The following KIFAP3 variants were observed in gnomAD, a reference collection of about 807,000 sequenced individuals.
The protein encoded by KIFAP3 is kinesin-associated protein 3.
KIFAP3 carries 68 observed loss-of-function variants against 106.5 expected under a neutral mutation model. The observed-to-expected ratio is 0.64, with a 90% CI of 0.53 to 0.78. The LOEUF (loss-of-function observed/expected upper bound fraction) is 0.78, where lower values mean the gene tolerates loss of function less well. Ranked by LOEUF, KIFAP3 falls within the 30% of genes least tolerant of loss-of-function variation. KIFAP3 has a pLI of 0.00. For missense variants in KIFAP3, 780 were observed against 941.8 expected (o/e 0.83, Z 2.25); for synonymous variants, 320 against 311.5 (o/e 1.03, Z -0.29).
At chr1:170,012,643 T>C (rs545127002) in intron 10 of KIFAP3, among the ~76,000 whole-genome samples, 1 of 152,220 alleles carries the variant, frequency 6.6e-6, no homozygotes, top group African/African-American at 2.4e-5. Flanking sequence ...TGGGGCTGGG[T>C]CCTTTGAGAG....
At chr1:169,942,174 C>G (rs1225036130) in intron 19 of KIFAP3, among the ~76,000 whole-genome samples, 1 of 151,862 alleles carries the variant, frequency 6.6e-6, no homozygotes, top group Non-Finnish European at 1.5e-5. Flanking sequence ...AATGTTATGA[C>G]TCATTAAATA....
In KIFAP3 at chr1:170,011,766, C is replaced by T. The variant is rs528399132; in HGVS notation, c.1183+4696G>A. On this transcript the variant is annotated intron_variant, in intron 10 of 19. Coordinates refer to ENST00000361580, the MANE Select transcript of KIFAP3 (RefSeq NM_014970.4). Reference sequence around the variant, plus strand: ...TTCCTTACTATATCTTTTGTATAAGCATTGTAGCCAAAGACCACATATGTT... The same window carrying T: ...TTCCTTACTATATCTTTTGTATAAGTATTGTAGCCAAAGACCACATATGTT... Among the ~76,000 whole-genome samples, 7 of 152,122 alleles carry T rather than the reference C, an allele frequency of 4.6e-5. No homozygotes were observed. In the East Asian group the frequency reaches 1.2e-3, roughly 25 times the overall value.
At chr1:169,950,028 T>C (rs965650626) in intron 19 of KIFAP3, among the ~76,000 whole-genome samples, 1 of 152,160 alleles carries the variant, frequency 6.6e-6, no homozygotes, top group Non-Finnish European at 1.5e-5. Flanking sequence ...ACCCCCTGAC[T>C]TGGATTTTAA....
chr1:170,043,974 T>C (rs1670112274), intron 3 of KIFAP3, among the ~76,000 whole-genome samples: 1 of 152,124 alleles, frequency 6.6e-6, no homozygotes, highest in Non-Finnish European at 1.5e-5. Flanking sequence ...AAAAACTGCC[T>C]GGGGATGATG....
At position 169,997,365 on chromosome 1, in the gene KIFAP3, T is replaced by C. The variant is rs549169765; in HGVS notation, c.1184-5110A>G. Among the ~76,000 whole-genome samples the C allele has an allele frequency of 2.0e-4, 30 of 152,286 alleles. No homozygotes were observed. In the South Asian group the frequency reaches 6.2e-3, roughly 32 times the overall value. On this transcript the variant is annotated intron_variant, in intron 10 of 19. Transcript: ENST00000361580. The stretch of plus-strand genomic sequence containing the variant: ...TTATTATTATGTTGACAATAACATT[T>C]TTTCTGTTTTACTAATACAACAGTA...
intron 19 of KIFAP3, among the ~76,000 whole-genome samples, chr1:169,932,717 GT>G (rs5778637): frequency 0.92 from 130,816 of 141,900 alleles, 60,222 homozygotes; most frequent in East Asian, 0.98. Flanking sequence ...TTAATGTTAA[GT>G]TTTTTTTTTT....
Position 169,925,010 on chromosome 1 carries a change from T to G in KIFAP3, c.2274-3229A>C, listed in dbSNP as rs78609116. On this transcript the variant is annotated intron_variant, in intron 19 of 19. Transcript: ENST00000361580. ...ATCTGCTCTTGCCTTGTGTGGCCAT[T>G]TTGCTTCAGATAATAGTTTGAATAT... Among the ~76,000 whole-genome samples, 71 of 152,306 alleles carry G rather than the reference T, an allele frequency of 4.7e-4. 2 individuals carry two copies. The East Asian group carries it at 0.012, about 25-fold the overall frequency.
At chr1:169,970,427 T>C (rs1665860349) in intron 17 of KIFAP3, among the ~76,000 whole-genome samples, 1 of 152,066 alleles carries the variant, frequency 6.6e-6, no homozygotes, top group African/African-American at 2.4e-5. Context: ...AGTATAATAT[T>C]TGCATAATTT....
At chr1:170,017,943 T>C (rs1668608475) in intron 9 of KIFAP3, among the ~76,000 whole-genome samples, 1 of 152,218 alleles carries the variant, frequency 6.6e-6, no homozygotes, top group Non-Finnish European at 1.5e-5. Flanking sequence ...TTAAAAATCA[T>C]ATACAACTCA....
chr1:169,940,765 A>C (rs1253238765), intron 19 of KIFAP3, among the ~76,000 whole-genome samples: 1 of 152,134 alleles, frequency 6.6e-6, no homozygotes, highest in Non-Finnish European at 1.5e-5. Flanking sequence ...ATACCATTTA[A>C]AATAATACAA....
In KIFAP3 at chr1:169,984,334, T is replaced by C. The variant is rs544395193; in HGVS notation, c.1393+248A>G. ...AAAAAGTTTCATTTTATCTAGAAAA[T>C]GTTTTAAAAATCAAATTTCAATTAA... On this transcript the variant is annotated intron_variant, in intron 12 of 19. Transcript: ENST00000361580. 7.6e-4 allele frequency among the ~76,000 whole-genome samples: 116 copies of C among 151,910 alleles called. 3 individuals carry two copies. The South Asian group carries it at 0.023, about 31-fold the overall frequency.
intron 19 of KIFAP3, among the ~76,000 whole-genome samples, chr1:169,928,607 G>T (rs1310511111): frequency 2.2e-5 from 3 of 139,118 alleles, no homozygotes; most frequent in Non-Finnish European, 4.6e-5. Context: ...TGAAGCAGGA[G>T]GATCACTTGA....
At chr1:170,033,776 G>T (rs1669539082) in intron 7 of KIFAP3, among the ~76,000 whole-genome samples, 1 of 151,762 alleles carries the variant, frequency 6.6e-6, no homozygotes, top group South Asian at 2.1e-4. Flanking sequence ...CACTGACATT[G>T]TTAAAGAGGA....
upstream of KIFAP3, among the ~76,000 whole-genome samples, chr1:170,076,165 A>C (rs1671901998): frequency 6.6e-6 from 1 of 152,222 alleles, no homozygotes; most frequent in Admixed American, 6.5e-5. Context: ...TTGTCACTGA[A>C]TAAAAATTTT....
intron 19 of KIFAP3, among the ~76,000 whole-genome samples, chr1:169,948,121 T>C (rs1370184524): frequency 2.1e-5 from 3 of 145,536 alleles, no homozygotes; most frequent in Non-Finnish European, 4.4e-5. Context: ...AATAAAGTTA[T>C]AGAGTAAAAG....
intron 18 of KIFAP3, among the ~76,000 whole-genome samples, chr1:169,954,480 C>A (rs1180222837): frequency 5.9e-5 from 9 of 151,948 alleles, no homozygotes; most frequent in African/African-American, 1.2e-4. Flanking sequence ...GGAAATAGAA[C>A]AAATAAAGGC....
intron 19 of KIFAP3, among the ~76,000 whole-genome samples, chr1:169,953,130 T>C (rs148284127): frequency 0.027 from 4,079 of 152,232 alleles, 101 homozygotes; most frequent in South Asian, 0.093. Flanking sequence ...AGGAATGATA[T>C]GAAGAGAAAA....
intron 9 of KIFAP3, among the ~76,000 whole-genome samples, chr1:170,021,944 T>TC (rs1668858185): frequency 8.2e-6 from 1 of 121,806 alleles, no homozygotes; most frequent in Non-Finnish European, 1.8e-5. Context: ...TTTCTTTCTT[T>TC]TTTTTTTTTT....
chr1:170,042,381 T>C (rs116531609), intron 3 of KIFAP3, among the ~76,000 whole-genome samples: 4,414 of 152,270 alleles, frequency 0.029, 85 homozygotes, highest in Non-Finnish European at 0.043. Context: ...GTAGTAAGAA[T>C]CATTTACCAG....
Sources: allele counts gnomAD v4.1 joint callset (sites outside exome capture counted in the v4.1 genomes callset), GRCh38; gene constraint gnomAD v4.1.1; transcripts MANE v1.5; gene names NCBI Gene and HGNC (gene_info 2026-07-23, HGNC 2026-07-21).